Variants in P4HA1 observed in about 807,000 individuals in gnomAD.
P4HA1 encodes the protein prolyl 4-hydroxylase subunit alpha-1.
Under a neutral mutation model 72.8 loss-of-function variants are expected in P4HA1, and 24 were observed. That is an observed-to-expected ratio of 0.33 (90% CI 0.24 to 0.46). The LOEUF is 0.46. Ranked by LOEUF, P4HA1 falls within the 20% of genes least tolerant of loss-of-function variation. P4HA1 has a pLI of 1.00. For missense variants in P4HA1, 446 were observed against 640.6 expected, an observed-to-expected ratio of 0.70 and a Z score of 3.28; for synonymous variants, 201 against 218.8, an observed-to-expected ratio of 0.92 and a Z score of 0.72.
chr10:73,092,969 A>AT (rs372227435), intron 1 of P4HA1, among the ~76,000 whole-genome samples: 238 of 152,030 alleles, frequency 1.6e-3, no homozygotes, highest in African/African-American at 5.4e-3. Context: ...AAATTAAAAA[A>AT]TTAGCTAGAC....
intron 5 of P4HA1, among the ~76,000 whole-genome samples, chr10:73,068,250 A>G (rs1157605125): frequency 6.6e-6 from 1 of 152,220 alleles, no homozygotes; most frequent in South Asian, 2.1e-4. Context: ...TTCAATGTGA[A>G]GACACAGACA....
intron 10 of P4HA1, among the ~76,000 whole-genome samples, chr10:73,019,987 T>C (rs1840097712): frequency 6.6e-6 from 1 of 152,002 alleles, no homozygotes; most frequent in African/African-American, 2.4e-5. Context: ...ACCTATTTAA[T>C]AATAGCTGAA....
Position 73,041,219 on chromosome 10 carries a change from T to A in P4HA1, c.1148+3762A>T, listed in dbSNP as rs576559750. Among the ~76,000 whole-genome samples, 3 of 152,250 alleles carry A rather than the reference T, an allele frequency of 2.0e-5. No homozygotes were observed. In the East Asian group the frequency reaches 5.8e-4, roughly 29 times the overall value. On this transcript the variant is annotated intron_variant, in intron 9 of 14. Coordinates refer to ENST00000394890, the MANE Select transcript of P4HA1 (RefSeq NM_001017962.3). ...TGAGCAGAAGCAGGTCTCTCTGACC[T>A]TCTCCCACTCTTTTCCCCTTAAGCA...
intron 5 of P4HA1, among the ~76,000 whole-genome samples, chr10:73,061,399 T>C (rs1841310439): frequency 1.3e-5 from 2 of 151,834 alleles, no homozygotes; most frequent in South Asian, 4.2e-4. Context: ...TATGACTAGG[T>C]TTCCCCAGCT....
rs202040247 is a variant in P4HA1 at position 73,044,993 on chromosome 10, C to A, written c.1136G>T (p.Arg379Ile). ...ACACATCTCTTACCTTTTGCTAATT[C>A]TGTAATGTACCGTCTCCAAGTCTCC... The part of the protein sequence containing the change: ...ITGDLETVHY[R>I]ISKSAWLSGY... The change falls in exon 9 of 15, where the codon AGA (arginine) becomes ATA (isoleucine). Residue 379 changes from arginine (R) to isoleucine (I), a missense_variant. By Grantham distance (97) the Arg-to-Ile change is moderately conservative. Transcript: ENST00000394890. The A allele has an allele frequency of 3.1e-6, 5 of 1,613,112 alleles. No individual in the cohort carries two copies. The highest frequency in any genetic ancestry group is 1.1e-5 in the South Asian group (1 of 90,976).
Position 73,008,253 on chromosome 10 carries a change from C to T in P4HA1, c.1574G>A (p.Arg525Gln). The T allele has an allele frequency of 3.7e-6, 6 of 1,609,152 alleles. No homozygotes were observed. Among genetic ancestry groups the T allele is most frequent in the Non-Finnish European group, 5.1e-6 (6 of 1,175,876 alleles). ...CAATTCTGACAACGTACAAGGTCTTCGAAATTCTTGTCCACGTTCATGGAG... is the reference window on the plus strand; with the variant it reads ...CAATTCTGACAACGTACAAGGTCTTTGAAATTCTTGTCCACGTTCATGGAG... The part of the protein sequence containing the change: ...KWLHERGQEF[R>Q]RPCTLSELE Residue 525 changes from arginine to glutamine, a missense_variant, in exon 15 of 15, where the codon CGA becomes CAA. Physicochemically the swap from Arg to Gln is conservative, Grantham distance 43. Coordinates refer to ENST00000394890, the MANE Select transcript of P4HA1 (RefSeq NM_001017962.3).
intron 5 of P4HA1, among the ~76,000 whole-genome samples, chr10:73,059,366 G>T (rs970139406): frequency 4.4e-5 from 6 of 136,134 alleles, no homozygotes; most frequent in African/African-American, 1.6e-4. Flanking sequence ...AAGGCAGGAA[G>T]ATCTCCTGAG....
At chr10:73,061,862 T>C (rs1206249908) in intron 5 of P4HA1, among the ~76,000 whole-genome samples, 1 of 151,598 alleles carries the variant, frequency 6.6e-6, no homozygotes, top group Non-Finnish European at 1.5e-5. Context: ...CTGCAAAAAA[T>C]TTAAAAATCA....
chr10:73,089,465 G>C (rs2133165866), intron 1 of P4HA1, among the ~76,000 whole-genome samples: 1 of 152,064 alleles, frequency 6.6e-6, no homozygotes, highest in Middle Eastern at 3.4e-3. Flanking sequence ...TGCACTCCTA[G>C]GCATTAATAT....
At chr10:73,026,046 A>C (rs951156165) in intron 10 of P4HA1, among the ~76,000 whole-genome samples, 5 of 152,336 alleles carry the variant, frequency 3.3e-5, no homozygotes, top group Non-Finnish European at 7.4e-5. Context: ...TAATTTACAG[A>C]TTCAATGCCA....
chr10:73,044,354 T>C (rs1840805816), intron 9 of P4HA1, among the ~76,000 whole-genome samples: 1 of 152,216 alleles, frequency 6.6e-6, no homozygotes, highest in Non-Finnish European at 1.5e-5. Flanking sequence ...AAACTGTTTT[T>C]AAATCTCTCT....
intron 8 of P4HA1, 78 bp downstream of exon 8, chr10:73,046,847 A>C (rs1246679477): frequency 9.3e-7 from 1 of 1,078,308 alleles, no homozygotes; most frequent in Non-Finnish European, 1.4e-6. Context: ...TCGTATATCA[A>C]TTATCCTATT....
chr10:73,094,293 G>A lies in P4HA1; in HGVS notation c.-33+2473C>T, dbSNP rs375098085. ...ACTTACATGCCCAGCTCGATTTTCA[G>A]AAACATTCAATACTGCCTCAAGACA... is the stretch of plus-strand genomic sequence containing the variant. On this transcript the variant is annotated intron_variant, in intron 1 of 14. Transcript: ENST00000394890. Among the ~76,000 whole-genome samples, 159 of 152,216 alleles carry A rather than the reference G, an allele frequency of 1.0e-3. 3 individuals are homozygous for A. In the South Asian group the frequency reaches 0.032, roughly 30 times the overall value.
rs1589571907 is a variant in P4HA1 at position 73,014,213 on chromosome 10, T to C, written c.1368+11A>G. The C allele has an allele frequency of 1.3e-6, 2 of 1,588,868 alleles. No homozygotes were observed. The highest frequency in any genetic ancestry group is 4.5e-5 in the East Asian group (2 of 44,754). ...TCCCAACTTAATCTAAAAATTTTAGTGACGACTTACATAAAACAGCCATGT... is the reference window on the plus strand; with the variant it reads ...TCCCAACTTAATCTAAAAATTTTAGCGACGACTTACATAAAACAGCCATGT... On this transcript the variant is annotated intron_variant, in intron 12 of 14. Coordinates refer to ENST00000394890, the MANE Select transcript of P4HA1 (RefSeq NM_001017962.3).
At position 73,068,942 on chromosome 10, in the gene P4HA1, T is replaced by C. The variant is rs199751353; in HGVS notation, c.367A>G (p.Asn123Asp). 14 of 1,612,672 alleles carry C rather than the reference T, an allele frequency of 8.7e-6. No homozygotes were observed. The African/African-American group carries it at 1.9e-4, about 22-fold the overall frequency. ...GCTGCCCCAACCTGATCTTCATCAT[T>C]AGGAAAGTACTGTCTCTGAATGGTT... The part of the protein sequence containing the change: ...NLTIQRQYFP[N>D]DEDQVGAAKA... Residue 123 changes from asparagine (N) to aspartate (D), a missense_variant, in exon 5 of 15, where the codon AAT becomes GAT. Coordinates refer to ENST00000394890, the MANE Select transcript of P4HA1 (RefSeq NM_001017962.3).
At chr10:73,092,040 C>T (rs1210479010) in intron 1 of P4HA1, among the ~76,000 whole-genome samples, 1 of 152,160 alleles carries the variant, frequency 6.6e-6, no homozygotes, top group Non-Finnish European at 1.5e-5. Context: ...CCCAGTCTAC[C>T]TCTTTCTAGT....
At chr10:73,094,020 C>T (rs1326509609) in intron 1 of P4HA1, among the ~76,000 whole-genome samples, 8 of 149,748 alleles carry the variant, frequency 5.3e-5, no homozygotes, top group Non-Finnish European at 8.9e-5. Context: ...GATCTCACTG[C>T]AAGAAAAGCA....
chr10:73,023,915 G>C (rs1422671557), intron 10 of P4HA1, among the ~76,000 whole-genome samples: 2 of 151,982 alleles, frequency 1.3e-5, no homozygotes, highest in Non-Finnish European at 2.9e-5. Flanking sequence ...AATGGTATAG[G>C]GATCAATTCA....
At chr10:73,053,669 T>G in intron 5 of P4HA1, 79 bp from the exon 6 acceptor site, 1 of 1,254,896 alleles carries the variant, frequency 8.0e-7, no homozygotes, top group South Asian at 1.3e-5. Context: ...GCTTTCAAAA[T>G]GCTGTCTCAC....
Sources: gnomAD v4.1 joint callset for allele counts (sites outside exome capture counted in the v4.1 genomes callset) on GRCh38, gnomAD v4.1.1 for gene constraint, MANE v1.5 for transcripts, NCBI Gene and HGNC (gene_info 2026-07-23, HGNC 2026-07-21) for gene names.